The following ROR2 variants were observed in gnomAD, a reference collection of about 807,000 sequenced individuals.
ROR2 encodes the protein tyrosine-protein kinase transmembrane receptor ROR2.
Under a neutral mutation model 74.9 loss-of-function variants are expected in ROR2, and 33 were observed. That is an observed-to-expected ratio of 0.44 (90% confidence interval 0.33 to 0.59). The LOEUF is 0.59. Among genes scored for constraint, ROR2 ranks in the 20% least tolerant of loss-of-function variants. The probability of loss-of-function intolerance (pLI) is 0.02; values close to 1 mark genes in which losing one functional copy is unlikely to be tolerated. For missense variants in ROR2, 1,216 were observed against 1,313.8 expected, an observed-to-expected ratio of 0.93 and a Z score of 1.15; for synonymous variants, 586 against 558.7, an observed-to-expected ratio of 1.05 and a Z score of -0.69.
chr9:91,804,736 TG>T (rs887401302), intron 1 of ROR2, among the ~76,000 whole-genome samples: 22 of 152,080 alleles, frequency 1.4e-4, no homozygotes, highest in African/African-American at 4.8e-4. Flanking sequence ...GGATTCAGAG[TG>T]GGGGGGTGGT....
At chr9:91,760,354 C>A (rs1380419047) in intron 2 of ROR2, among the ~76,000 whole-genome samples, 3 of 152,190 alleles carry the variant, frequency 2.0e-5, no homozygotes, top group African/African-American at 7.2e-5. Context: ...CAACTGTGGG[C>A]TAGGTGCGGT....
chr9:91,876,464 CA>C (rs536714937), intron 1 of ROR2, among the ~76,000 whole-genome samples: 7 of 152,152 alleles, frequency 4.6e-5, no homozygotes, highest in Non-Finnish European at 1.0e-4. Flanking sequence ...TCCCCGACAC[CA>C]AATGTGAAGT....
intron 1 of ROR2, among the ~76,000 whole-genome samples, chr9:91,801,457 C>T (rs142963665): frequency 4.7e-4 from 72 of 152,286 alleles, no homozygotes; most frequent in African/African-American, 1.6e-3. Context: ...CTCAGCCTAC[C>T]GAACAGCTGG....
intron 1 of ROR2, among the ~76,000 whole-genome samples, chr9:91,930,747 T>TA (rs1451694444): frequency 6.6e-6 from 1 of 152,196 alleles, no homozygotes; most frequent in East Asian, 1.9e-4. Context: ...AACACACCTA[T>TA]AAGCGGTGTT....
intron 1 of ROR2, among the ~76,000 whole-genome samples, chr9:91,928,853 C>T (rs1242339664): frequency 6.6e-6 from 1 of 152,228 alleles, no homozygotes; most frequent in East Asian, 1.9e-4. Flanking sequence ...AATGTGCACC[C>T]TGCACTTTCC....
rs575540827 is a variant in ROR2, at chr9:91,789,429, G to GT, written c.98-13612dup. Reference sequence around the variant, plus strand: ...GTACTGTGAAAGACAGTATAAACATGTTTTTTTGTAATTCTTTTATTCATT... The same window carrying GT: ...GTACTGTGAAAGACAGTATAAACATGTTTTTTTTGTAATTCTTTTATTCATT... On this transcript the variant is annotated intron_variant, in intron 1 of 8. Transcript: ENST00000375708. Among the ~76,000 whole-genome samples, 11 of 152,164 alleles carry GT rather than the reference G, an allele frequency of 7.2e-5. No individual in the cohort carries two copies. The East Asian group carries it at 1.4e-3, about 19-fold the overall frequency.
intron 2 of ROR2, among the ~76,000 whole-genome samples, chr9:91,768,709 T>C (rs899939093): frequency 2.0e-5 from 3 of 152,176 alleles, no homozygotes; most frequent in African/African-American, 7.2e-5. Context: ...GCCTCATCGA[T>C]GGCAGGAAGC....
intron 2 of ROR2, among the ~76,000 whole-genome samples, chr9:91,775,532 C>A (rs780345658): frequency 6.6e-6 from 1 of 152,206 alleles, no homozygotes; most frequent in Non-Finnish European, 1.5e-5. Flanking sequence ...CCCTGCGTGT[C>A]ACCTCCCACC....
At chr9:91,941,319 T>A (rs1229742705) in intron 1 of ROR2, among the ~76,000 whole-genome samples, 1 of 152,166 alleles carries the variant, frequency 6.6e-6, no homozygotes, top group Non-Finnish European at 1.5e-5. Context: ...TTTGAAACCA[T>A]TTCGCCTTTA....
chr9:91,750,148 C>T (rs558010331), intron 4 of ROR2, among the ~76,000 whole-genome samples: 22 of 152,286 alleles, frequency 1.4e-4, no homozygotes, highest in Admixed American at 2.6e-4. Context: ...GTGATCCACC[C>T]GCCTTGGCCT....
rs746196217 is a variant in ROR2 at position 91,757,379 on chromosome 9, C to T, written c.356G>A (p.Arg119Gln). The stretch of plus-strand genomic sequence containing the variant: ...CGTGTCCAGGTCCTGGATTCGCAGT[C>T]GTGAACCATATTCTGTCTTCCGGAT... ...IIIRKTEYGSRLRIQDLDTTD... is the reference protein window; with the variant it reads ...IIIRKTEYGSQLRIQDLDTTD... Residue 119 changes from arginine to glutamine, a missense_variant, in exon 3 of 9, where the codon CGA becomes CAA. Transcript: ENST00000375708. 6.2e-6 allele frequency: 10 copies of T among 1,613,876 alleles called. No homozygotes were observed. The highest frequency in any genetic ancestry group is 3.3e-5 in the South Asian group (3 of 91,032).
chr9:91,835,769 G>A (rs1052451666), intron 1 of ROR2, among the ~76,000 whole-genome samples: 1 of 152,166 alleles, frequency 6.6e-6, no homozygotes, highest in African/African-American at 2.4e-5. Flanking sequence ...TGGAGCTCAG[G>A]GGCTGACTGG....
chr9:91,798,754 T>C (rs1292866686), intron 1 of ROR2, among the ~76,000 whole-genome samples: 1 of 151,934 alleles, frequency 6.6e-6, no homozygotes, highest in Admixed American at 6.6e-5. Context: ...AGATGCCCCC[T>C]CTCATCCTCC....
rs554218161 is a variant in ROR2, at chr9:91,915,110, T to A, written c.97+34757A>T. On this transcript the variant is annotated intron_variant, in intron 1 of 8. Coordinates refer to ENST00000375708, the MANE Select transcript of ROR2 (RefSeq NM_004560.4). ...GTACCTCACCCTGCTACCTGGCGTT[T>A]ATGGTTGCTGAAGTCTCAACCCAAG... Among the ~76,000 whole-genome samples, 7 of 152,252 alleles carry A rather than the reference T, an allele frequency of 4.6e-5. No individual in the cohort carries two copies. In the East Asian group the frequency reaches 1.4e-3, roughly 29 times the overall value.
intron 5 of ROR2, among the ~76,000 whole-genome samples, chr9:91,735,874 C>T (rs1319540924): frequency 6.6e-6 from 1 of 151,918 alleles, no homozygotes; most frequent in Non-Finnish European, 1.5e-5. Context: ...CCTCAGCCTC[C>T]GAAAGTGCTA....
chr9:91,771,722 T>TTCTC lies in ROR2; in HGVS notation c.175+4015_175+4018dup, dbSNP rs34716594. 1.2e-3 allele frequency among the ~76,000 whole-genome samples: 175 copies of TTCTC among 150,860 alleles called. 1 individual carries two copies. Among genetic ancestry groups the TTCTC allele is most frequent in the African/African-American group, 3.8e-3 (156 of 41,152 alleles). On this transcript the variant is annotated intron_variant, in intron 2 of 8. Transcript: ENST00000375708. ...TCTCTCTCTCTCTCTCCTCTCTCTC[T>TTCTC]TCTCTCTCTCTCTCTCGATACCATC...
chr9:91,940,656 T>A (rs915868810), intron 1 of ROR2, among the ~76,000 whole-genome samples: 1 of 151,208 alleles, frequency 6.6e-6, no homozygotes, highest in African/African-American at 2.4e-5. Flanking sequence ...GTGCAGTGGC[T>A]CGATCTCCGC....
At chr9:91,777,619 A>T (rs1051713569) in intron 1 of ROR2, among the ~76,000 whole-genome samples, 1 of 152,052 alleles carries the variant, frequency 6.6e-6, no homozygotes, top group Non-Finnish European at 1.5e-5. Context: ...AGGTTGTGCA[A>T]CGATCACCAC....
In ROR2 at chr9:91,724,921, C is replaced by A. The variant is rs751534731; in HGVS notation, c.1573G>T (p.Ala525Ser). Residue 525 changes from alanine (A) to serine (S), a missense_variant, in exon 9 of 9, where the codon GCT (alanine) becomes TCT (serine). By Grantham distance (99) the Ala-to-Ser change is moderately conservative (BLOSUM62 1). Transcript: ENST00000375708. ...GPLREEFRHE[A>S]MLRARLQHPN... ...TGTTGCAGCCGTGCTCGCAGCATAG[C>A]CTCATGCCGGAACTCCTCCCGCAGG... 3.1e-6 allele frequency: 5 copies of A among 1,612,040 alleles called. No individual in the cohort carries two copies. In the African/African-American group the frequency reaches 6.7e-5, roughly 22 times the overall value.
Sources: allele counts gnomAD v4.1 joint callset (sites outside exome capture counted in the v4.1 genomes callset), GRCh38; gene constraint gnomAD v4.1.1; transcripts MANE v1.5; gene names NCBI Gene and HGNC (gene_info 2026-07-23, HGNC 2026-07-21).